Variants in WWOX observed in about 807,000 individuals in gnomAD.
WWOX encodes the protein WW domain containing oxidoreductase, also known as WW domain-containing oxidoreductase.
Under a neutral mutation model 46.2 loss-of-function variants are expected in WWOX, and 69 were observed. The ratio of observed to expected loss-of-function variants is 1.49; its 90% confidence interval spans 1.23 to 1.82. WWOX has a LOEUF of 1.82. WWOX is among the 40% of genes most tolerant of loss of function. WWOX has a pLI of 0.00. For synonymous variants in WWOX, 359 were observed against 202.6 expected (o/e 1.77, Z -6.56); for missense variants, 919 against 542.6 (o/e 1.69, Z -6.89).
intron 8 of WWOX, among the ~76,000 whole-genome samples, chr16:78,874,513 T>A (rs1417893432): frequency 6.6e-6 from 1 of 151,986 alleles, no homozygotes; most frequent in African/African-American, 2.4e-5. Context: ...TGGCCAGGGC[T>A]CACTGCAGCG....
chr16:78,892,114 T>C (rs2151229225), intron 8 of WWOX: 1 of 152,294 alleles, frequency 6.6e-6, no homozygotes, highest in Non-Finnish European at 1.5e-5. Flanking sequence ...CATTGTCACT[T>C]GCCAAACCAT....
chr16:78,241,537 C>T (rs906980503), intron 5 of WWOX, among the ~76,000 whole-genome samples: 5 of 152,114 alleles, frequency 3.3e-5, no homozygotes, highest in African/African-American at 9.7e-5. Flanking sequence ...TGGGGAAGTT[C>T]AAGCAATTCT....
intron 4 of WWOX, among the ~76,000 whole-genome samples, chr16:78,144,000 A>G (rs1325832126): frequency 3.9e-5 from 6 of 152,174 alleles, no homozygotes; most frequent in Admixed American, 1.3e-4. Context: ...CATTTAAATC[A>G]TACACATGAA....
intron 5 of WWOX, among the ~76,000 whole-genome samples, chr16:78,235,375 C>A (rs564422639): frequency 2.0e-5 from 3 of 152,042 alleles, no homozygotes; most frequent in Admixed American, 2.0e-4. Flanking sequence ...CAGGCCGGCT[C>A]ATCTGACCCC....
At chr16:78,691,434 C>T (rs1055452052) in intron 8 of WWOX, 17 of 614,758 alleles carry the variant, frequency 2.8e-5, no homozygotes, top group African/African-American at 2.0e-4. Context: ...TGGTGGTTCA[C>T]ACCTGTAATC....
At chr16:78,976,543 A>G (rs537648333) in intron 8 of WWOX, among the ~76,000 whole-genome samples, 3 of 152,336 alleles carry the variant, frequency 2.0e-5, no homozygotes, top group South Asian at 2.1e-4. Flanking sequence ...GCACTTTGCC[A>G]TCATAGCTTG....
At position 78,722,551 on chromosome 16, in the gene WWOX, C is replaced by T. The variant is rs141779281; in HGVS notation, c.1056+289799C>T. On this transcript the variant is annotated intron_variant, in intron 8 of 8. Transcript: ENST00000566780. ...CATGGAGTTCAGTAAGAGTACAAAG[C>T]GAGGAGTTTTTCTGCCCCTCCAGTA... Among the ~76,000 whole-genome samples, 270 of 152,084 alleles carry T rather than the reference C, an allele frequency of 1.8e-3. 1 individual carries two copies. The highest frequency in any genetic ancestry group is 5.9e-3 in the African/African-American group (245 of 41,474).
At chr16:78,520,917 C>T (rs2043335391) in intron 8 of WWOX, among the ~76,000 whole-genome samples, 1 of 152,126 alleles carries the variant, frequency 6.6e-6, no homozygotes, top group South Asian at 2.1e-4. Flanking sequence ...CAAAAGAAGA[C>T]AAAAGAGCTC....
chr16:78,774,466 T>C (rs1433414945), intron 8 of WWOX, among the ~76,000 whole-genome samples: 1 of 152,066 alleles, frequency 6.6e-6, no homozygotes, highest in Admixed American at 6.5e-5. Context: ...CTCATGTCAT[T>C]TTTTCGGGCA....
At position 78,981,455 on chromosome 16, in the gene WWOX, T is replaced by C. The variant is rs551297349; in HGVS notation, c.1057-230153T>C. On this transcript the variant is annotated intron_variant, in intron 8 of 8. Coordinates refer to ENST00000566780, the MANE Select transcript of WWOX (RefSeq NM_016373.4). ...TATGAAGCATCATTTTTTTTTTTTT[T>C]TAGGTGGAGTCTTGCTCTGTCATCC... is the stretch of plus-strand genomic sequence containing the variant. Among the ~76,000 whole-genome samples the C allele has an allele frequency of 1.7e-3, 261 of 149,772 alleles. 2 individuals carry two copies. Among genetic ancestry groups the C allele is most frequent in the African/African-American group, 6.2e-3 (252 of 40,720 alleles).
intron 8 of WWOX, among the ~76,000 whole-genome samples, chr16:78,944,915 A>C (rs1306095272): frequency 4.6e-5 from 7 of 152,178 alleles, no homozygotes; most frequent in Non-Finnish European, 8.8e-5. Context: ...ACAGTGGCTC[A>C]CACCTGTAAT....
intron 8 of WWOX, among the ~76,000 whole-genome samples, chr16:79,009,998 C>T (rs747207387): frequency 1.3e-5 from 2 of 152,160 alleles, no homozygotes; most frequent in African/African-American, 4.8e-5. Context: ...CCTAGGACTT[C>T]AGAAGCGAAA....
chr16:78,275,646 C>T (rs1444669557), intron 5 of WWOX, among the ~76,000 whole-genome samples: 1 of 152,146 alleles, frequency 6.6e-6, no homozygotes, highest in African/African-American at 2.4e-5. Flanking sequence ...CCATGAGTCA[C>T]GTGTTCTGCC....
chr16:78,901,037 C>T (rs2044819136), intron 8 of WWOX, among the ~76,000 whole-genome samples: 1 of 152,162 alleles, frequency 6.6e-6, no homozygotes, highest in Non-Finnish European at 1.5e-5. Flanking sequence ...TGGACCACTG[C>T]TCTCTTTTCA....
intron 8 of WWOX, among the ~76,000 whole-genome samples, chr16:78,758,452 A>G (rs922622159): frequency 1.3e-5 from 2 of 152,212 alleles, no homozygotes; most frequent in Non-Finnish European, 2.9e-5. Context: ...TCATCCATAA[A>G]TTGGTTAGGC....
At chr16:78,738,846 A>G (rs9932247) in intron 8 of WWOX, among the ~76,000 whole-genome samples, 6,783 of 152,222 alleles carry the variant, frequency 0.045, 382 homozygotes, top group Admixed American at 0.14. Flanking sequence ...TAGGAGGTAG[A>G]TAGAGATTGT....
At chr16:79,038,740 G>C (rs1225744860) in intron 8 of WWOX, among the ~76,000 whole-genome samples, 2 of 152,044 alleles carry the variant, frequency 1.3e-5, no homozygotes, top group Non-Finnish European at 2.9e-5. Context: ...AGTAGAGACA[G>C]GGTTTCACCA....
chr16:78,776,728 G>T (rs752127516), intron 8 of WWOX, among the ~76,000 whole-genome samples: 1 of 152,088 alleles, frequency 6.6e-6, no homozygotes, highest in Non-Finnish European at 1.5e-5. Flanking sequence ...GAAAACTTAC[G>T]ATCATGGTGG....
chr16:78,863,787 G>C (rs2043944337), intron 8 of WWOX, among the ~76,000 whole-genome samples: 1 of 152,126 alleles, frequency 6.6e-6, no homozygotes. Context: ...AACTATCACA[G>C]GCATAGTGAG....
Sources: allele counts gnomAD v4.1 joint callset (sites outside exome capture counted in the v4.1 genomes callset), GRCh38; gene constraint gnomAD v4.1.1; transcripts MANE v1.5; gene names NCBI Gene and HGNC (gene_info 2026-07-23, HGNC 2026-07-21).